Variants in TIAM1 observed in about 807,000 individuals in gnomAD.
The protein encoded by TIAM1 is TIAM Rac1 associated GEF 1.
A neutral mutation model predicts 163.5 loss-of-function variants in TIAM1; 65 were observed. That is an observed-to-expected ratio of 0.40 (90% confidence interval 0.33 to 0.49). The LOEUF (loss-of-function observed/expected upper bound fraction) is 0.49, where lower values mean the gene tolerates loss of function less well. Among genes scored for constraint, TIAM1 ranks in the 20% least tolerant of loss-of-function variants. The pLI is 0.77. For missense variants in TIAM1, 1,789 were observed against 2,044.7 expected (o/e 0.87, Z 2.41); for synonymous variants, 833 against 810.1 (o/e 1.03, Z -0.48).
At chr21:31,360,622 C>T (rs1054216772) in intron 2 of TIAM1, among the ~76,000 whole-genome samples, 4 of 151,890 alleles carry the variant, frequency 2.6e-5, no homozygotes, top group Non-Finnish European at 4.4e-5. Context: ...CACGGTGAGA[C>T]AATGTTTGCG....
chr21:31,369,222 T>C (rs553095482), intron 2 of TIAM1, among the ~76,000 whole-genome samples: 22 of 22,434 alleles, frequency 9.8e-4, no homozygotes, highest in Admixed American at 3.0e-3. Flanking sequence ...CGAGAATCCA[T>C]CTCAAAAAAA....
intron 2 of TIAM1, among the ~76,000 whole-genome samples, chr21:31,387,200 T>TTTTC (rs1290490790): frequency 9.8e-6 from 1 of 102,452 alleles, no homozygotes; most frequent in Non-Finnish European, 2.0e-5. Flanking sequence ...ATTCTCTTTT[T>TTTTC]TTTTTTTTTT....
chr21:31,276,559 T>C (rs888453492), intron 3 of TIAM1, among the ~76,000 whole-genome samples, 173 bp downstream of exon 3: 2 of 152,240 alleles, frequency 1.3e-5, no homozygotes, highest in Admixed American at 6.5e-5. Flanking sequence ...TTAACGCTAA[T>C]GCTTTCGAAT....
rs2146231827 is a variant in TIAM1, at chr21:31,130,263, C to T, written c.3995G>A (p.Arg1332Gln). Residue 1332 changes from arginine (R) to glutamine (Q), a missense_variant, in exon 25 of 28, where the codon CGA (arginine) becomes CAA (glutamine). Physicochemically the swap from Arg to Gln is conservative, Grantham distance 43. Coordinates refer to ENST00000541036, the MANE Select transcript of TIAM1 (RefSeq NM_001353694.2). ...CAGCGCTTCCGTGGGGATCATGTGT[C>T]GAAATCTGAAGGGGTCCCAGTCCTC... ...IYEDWDPFRF[R>Q]HMIPTEALQV... 3 of 1,614,038 alleles carry T rather than the reference C, an allele frequency of 1.9e-6. No homozygotes were observed. Among genetic ancestry groups the T allele is most frequent in the Non-Finnish European group, 2.5e-6 (3 of 1,179,998 alleles).
rs546094846 is a variant in TIAM1, at chr21:31,488,553, T to C, written c.-421-24518A>G. ...AAGGAAAGAAGTTTCATGGACTCAGTTCCACATGGCTGGGGAGGCCTCACT... is the reference window on the plus strand; with the variant it reads ...AAGGAAAGAAGTTTCATGGACTCAGCTCCACATGGCTGGGGAGGCCTCACT... On this transcript the variant is annotated intron_variant, in intron 1 of 28. Transcript: ENST00000286827. Among the ~76,000 whole-genome samples the C allele has an allele frequency of 9.4e-4, 143 of 152,340 alleles. 1 individual carries two copies. Among genetic ancestry groups the C allele is most frequent in the Admixed American group, 2.6e-3 (40 of 15,292 alleles).
intron 1 of TIAM1, among the ~76,000 whole-genome samples, chr21:31,519,305 CAAAAAAAAAA>C (rs369132676): frequency 3.8e-5 from 2 of 53,128 alleles, no homozygotes; most frequent in Non-Finnish European, 6.6e-5. Context: ...AACTCTGTCT[CAAAAAAAAAA>C]AAAAAAAAAA....
intron 2 of TIAM1, among the ~76,000 whole-genome samples, chr21:31,394,739 C>T (rs910009749): frequency 1.7e-5 from 2 of 117,996 alleles, no homozygotes; most frequent in African/African-American, 3.9e-5. Flanking sequence ...CACACACACA[C>T]ACACACACAC....
At chr21:31,540,840 C>T (rs997083101) in intron 1 of TIAM1, among the ~76,000 whole-genome samples, 17 of 152,114 alleles carry the variant, frequency 1.1e-4, no homozygotes, top group Middle Eastern at 3.4e-3. Context: ...TAAAGTCTAC[C>T]TGAAAAGTAA....
intron 15 of TIAM1, among the ~76,000 whole-genome samples, chr21:31,166,306 A>G (rs1352346982): frequency 6.6e-6 from 1 of 152,220 alleles, no homozygotes; most frequent in African/African-American, 2.4e-5. Flanking sequence ...TATCAATATA[A>G]CCAGACAAGA....
intron 2 of TIAM1, among the ~76,000 whole-genome samples, chr21:31,451,699 G>C (rs866187219): frequency 7.4e-5 from 3 of 40,588 alleles, no homozygotes; most frequent in Non-Finnish European, 1.5e-4. Context: ...GCACCAGGCT[G>C]AGTGAAAGCA....
chr21:31,490,440 C>CATAATA (rs71920325), intron 1 of TIAM1, among the ~76,000 whole-genome samples: 1 of 151,688 alleles, frequency 6.6e-6, no homozygotes, highest in Non-Finnish European at 1.5e-5. Flanking sequence ...CTAGCCTTTA[C>CATAATA]ATAATAATAA....
At chr21:31,228,255 A>ATCTG (rs2088174720) in intron 6 of TIAM1, among the ~76,000 whole-genome samples, 2 of 88,066 alleles carry the variant, frequency 2.3e-5, no homozygotes, top group African/African-American at 7.7e-5. Context: ...AAAAAAAAAA[A>ATCTG]AAAAGGAAGG....
At chr21:31,244,650 G>C (rs182911786) in intron 6 of TIAM1, among the ~76,000 whole-genome samples, 23 of 152,284 alleles carry the variant, frequency 1.5e-4, no homozygotes, top group Admixed American at 1.3e-3. Flanking sequence ...GCTTGAACCT[G>C]GGAGGCAGAG....
intron 2 of TIAM1, among the ~76,000 whole-genome samples, chr21:31,293,030 G>T (rs909042622): frequency 6.6e-6 from 1 of 152,152 alleles, no homozygotes; most frequent in Non-Finnish European, 1.5e-5. Context: ...CGCCATGTTG[G>T]CCAGGATGGT....
intron 1 of TIAM1, among the ~76,000 whole-genome samples, chr21:31,474,948 T>C (rs1296357349): frequency 2.6e-5 from 4 of 151,698 alleles, no homozygotes; most frequent in Non-Finnish European, 5.9e-5. Flanking sequence ...GCCGGTGAAA[T>C]GGGAAGATAA....
chr21:31,542,963 A>G (rs1220046748), intron 1 of TIAM1, among the ~76,000 whole-genome samples: 2 of 152,108 alleles, frequency 1.3e-5, no homozygotes, highest in Non-Finnish European at 2.9e-5. Flanking sequence ...GCAAGACTCC[A>G]TCTCAAAATA....
intron 1 of TIAM1, among the ~76,000 whole-genome samples, chr21:31,479,388 GAT>G (rs2046034733): frequency 6.6e-6 from 1 of 151,316 alleles, no homozygotes; most frequent in Non-Finnish European, 1.5e-5. Context: ...TGGATGGATG[GAT>G]GGATGGATGG....
intron 1 of TIAM1, among the ~76,000 whole-genome samples, chr21:31,542,291 G>A (rs913264264): frequency 2.0e-5 from 3 of 148,504 alleles, no homozygotes; most frequent in African/African-American, 7.9e-5. Flanking sequence ...GCCGGGCGTG[G>A]TGGTGTGTGC....
intron 13 of TIAM1, among the ~76,000 whole-genome samples, chr21:31,194,963 T>C (rs2085773529): frequency 6.6e-6 from 1 of 152,236 alleles, no homozygotes; most frequent in Non-Finnish European, 1.5e-5. Flanking sequence ...TCTTTTGACA[T>C]ATAAAATAAG....
Sources: allele counts gnomAD v4.1 joint callset (sites outside exome capture counted in the v4.1 genomes callset), GRCh38; gene constraint gnomAD v4.1.1; transcripts MANE v1.5; gene names NCBI Gene and HGNC (gene_info 2026-07-23, HGNC 2026-07-21).